The following RAB37 variants were observed in gnomAD, a reference collection of about 807,000 sequenced individuals.
RAB37 encodes ras-related protein Rab-37.
In RAB37, 29 loss-of-function variants were observed where a neutral mutation model predicts 33.1. The observed-to-expected ratio is 0.88, with a 90% CI of 0.65 to 1.20. The LOEUF (loss-of-function observed/expected upper bound fraction) is 1.20, where lower values mean the gene tolerates loss of function less well. Ranked by LOEUF, RAB37 falls within the 50% of genes most tolerant of loss-of-function variation. The pLI is 0.00. For synonymous variants in RAB37, 128 were observed against 119.5 expected (o/e 1.07, Z -0.47); for missense variants, 299 against 301.1 (o/e 0.99, Z 0.05).
At chr17:74,743,371 A>G (rs1471089575) in intron 5 of RAB37, 31 bp downstream of exon 5, 6 of 1,609,604 alleles carry the variant, frequency 3.7e-6, no homozygotes, top group Non-Finnish European at 4.3e-6. Context: ...ACTCCCACCC[A>G]TAAGCAGCCA....
At chr17:74,736,407 C>G (rs2034475422), upstream of RAB37, among the ~76,000 whole-genome samples, 1 of 152,226 alleles carries the variant, frequency 6.6e-6, no homozygotes, top group Admixed American at 6.5e-5. Flanking sequence ...CCCAGCTGCA[C>G]TCCCCACTCT....
At chr17:74,702,072 G>A (rs1008753001) in intron 1 of RAB37, among the ~76,000 whole-genome samples, 1 of 151,838 alleles carries the variant, frequency 6.6e-6, no homozygotes, top group Non-Finnish European at 1.5e-5. Context: ...AAAACAGAAG[G>A]CAAATGGGAG....
At chr17:74,696,280 G>A (rs2032468828) in intron 1 of RAB37, 3 of 1,525,498 alleles carry the variant, frequency 2.0e-6, no homozygotes, top group Non-Finnish European at 1.8e-6. Flanking sequence ...AGAACCCCCA[G>A]GTCTAGGGAA....
intron 1 of RAB37, among the ~76,000 whole-genome samples, chr17:74,719,700 T>G (rs779675353): frequency 3.8e-4 from 58 of 152,170 alleles, no homozygotes; most frequent in Non-Finnish European, 6.2e-4. Context: ...TTATTTATTG[T>G]AGAATAGGGT....
At chr17:74,705,017 C>T (rs2033393522) in intron 1 of RAB37, among the ~76,000 whole-genome samples, 1 of 152,234 alleles carries the variant, frequency 6.6e-6, no homozygotes, top group Admixed American at 6.5e-5. Context: ...AAGAGCACAA[C>T]AACGGATCCC....
chr17:74,685,456 G>C (rs1421710239), intron 1 of RAB37, among the ~76,000 whole-genome samples: 1 of 152,164 alleles, frequency 6.6e-6, no homozygotes, highest in East Asian at 1.9e-4. Flanking sequence ...CCAAAGTTCT[G>C]AGATTACAGG....
intron 1 of RAB37, chr17:74,704,325 C>T (rs1055384292): frequency 1.6e-6 from 1 of 630,742 alleles, no homozygotes; most frequent in Non-Finnish European, 2.8e-6. Flanking sequence ...AGAGGCCCTG[C>T]TCCCCCAGTC....
At chr17:74,701,963 A>G (rs2033091216) in intron 1 of RAB37, among the ~76,000 whole-genome samples, 1 of 151,984 alleles carries the variant, frequency 6.6e-6, no homozygotes, top group African/African-American at 2.4e-5. Context: ...CAGAGGTTGC[A>G]GTGAGCCAAG....
At chr17:74,712,730 A>G in intron 1 of RAB37, 1 of 1,307,516 alleles carries the variant, frequency 7.6e-7, no homozygotes, top group East Asian at 2.3e-5. Flanking sequence ...CATGCCATTA[A>G]GGACACCTTC....
chr17:74,718,299 C>CATCAT (rs1272681726), intron 1 of RAB37, among the ~76,000 whole-genome samples: 199 of 147,160 alleles, frequency 1.4e-3, no homozygotes, highest in African/African-American at 4.5e-3. Flanking sequence ...GTCTCTAAAA[C>CATCAT]ATCATATCAT....
At chr17:74,708,371 G>A (rs959738051) in intron 1 of RAB37, among the ~76,000 whole-genome samples, 1 of 152,060 alleles carries the variant, frequency 6.6e-6, no homozygotes, top group Non-Finnish European at 1.5e-5. Flanking sequence ...CTATTTTATA[G>A]ATAATTTTCC....
rs892519432 is a variant in RAB37 at position 74,746,315 on chromosome 17, T to G, written c.*904T>G. ...TCCGCTCACTACAACCTCCACTCCC[T>G]GGGGCTCAAGCGATCCTCCCACCTC... On this transcript the variant is annotated 3_prime_UTR_variant, in exon 9 of 9. Transcript: ENST00000392613. This position sits in a 1 kb window ranked among gnomAD's most constrained non-coding sequence, Gnocchi z 5.2. The G allele has an allele frequency of 2.6e-5, 4 of 152,220 alleles. No individual in the cohort carries two copies. Among genetic ancestry groups the G allele is most frequent in the East Asian group, 3.9e-4 (2 of 5,188 alleles). The allele number at this position is 152,220 out of a possible 1,614,324, so 9.4% of individuals were successfully genotyped here.
chr17:74,716,372 T>C (rs1261224178), intron 1 of RAB37, among the ~76,000 whole-genome samples: 1 of 152,326 alleles, frequency 6.6e-6, no homozygotes, highest in African/African-American at 2.4e-5. Context: ...GCTAGGGGAC[T>C]CTGTCTAGCA....
In RAB37 at chr17:74,729,691, C is replaced by G. The variant is rs1366648716; in HGVS notation, c.183+325C>G. Among the ~76,000 whole-genome samples, 1 of 152,066 alleles carries G rather than the reference C, an allele frequency of 6.6e-6. No individual in the cohort carries two copies. Among genetic ancestry groups the G allele is most frequent in the Non-Finnish European group, 1.5e-5 (1 of 68,008 alleles). On this transcript the variant is annotated intron_variant, in intron 2 of 7. Coordinates refer to the RAB37 transcript ENST00000340415. This position sits in a 1 kb window ranked among gnomAD's most constrained non-coding sequence, Gnocchi z 4.2. ...ACTTTCAGTGGAGGGACACAGCAGC[C>G]CATGGGAGCCCCCCAGGGAGGCAGC...
chr17:74,715,596 G>A (rs1201007872), intron 1 of RAB37, among the ~76,000 whole-genome samples: 2 of 152,204 alleles, frequency 1.3e-5, no homozygotes, highest in Non-Finnish European at 2.9e-5. Flanking sequence ...GAGGGTGGTG[G>A]GGTAAGCTTT....
chr17:74,742,985 T>C lies in RAB37; in HGVS notation c.247-144T>C. ...AACTGCTACTGTCCAGGTCATTGGA[T>C]GCTCAGGGGCTCATGAGAACCTAAA... On this transcript the variant is annotated intron_variant, in intron 3 of 8. Coordinates refer to ENST00000392613, the MANE Select transcript of RAB37 (RefSeq NM_001006638.3). This position sits in a 1 kb window ranked among gnomAD's most constrained non-coding sequence, Gnocchi z 4.0. 7.1e-6 allele frequency: 5 copies of C among 706,244 alleles called. 1 individual carries two copies. In the South Asian group the frequency reaches 8.5e-5, roughly 12 times the overall value. The allele number at this position is 706,244 out of a possible 1,614,324, so 43.7% of individuals were successfully genotyped here. A position where few individuals can be genotyped will look rare whatever the true frequency, so the allele number is the denominator to read the frequency against.
chr17:74,693,565 C>T (rs1402554906), intron 1 of RAB37, among the ~76,000 whole-genome samples: 1 of 152,092 alleles, frequency 6.6e-6, no homozygotes, highest in African/African-American at 2.4e-5. Context: ...TTGGTAACCA[C>T]AGAGATGATG....
chr17:74,679,379 C>A (rs892734233), intron 1 of RAB37, among the ~76,000 whole-genome samples: 3 of 152,098 alleles, frequency 2.0e-5, no homozygotes, highest in Non-Finnish European at 4.4e-5. Context: ...CCTGGAGTCT[C>A]CCTCCTCGCC....
At chr17:74,696,228 A>T (rs768503353) in intron 1 of RAB37, 5 of 1,605,596 alleles carry the variant, frequency 3.1e-6, no homozygotes, top group Non-Finnish European at 4.3e-6. Context: ...CTAAAAGACA[A>T]ACAACAATTC....
Sources: gnomAD v4.1 joint callset for allele counts (sites outside exome capture counted in the v4.1 genomes callset) on GRCh38, gnomAD v4.1.1 for gene constraint, Gnocchi (gnomAD v3.1) non-coding constraint, MANE v1.5 for transcripts, NCBI Gene and HGNC (gene_info 2026-07-23, HGNC 2026-07-21) for gene names.